LRRTM4: variants seen among roughly 807,000 people sequenced by gnomAD.
LRRTM4 encodes the protein leucine-rich repeat transmembrane neuronal protein 4.
In LRRTM4, 25 loss-of-function variants were observed where a neutral mutation model predicts 47.6. That is an observed-to-expected ratio of 0.53 (90% CI 0.38 to 0.73). The LOEUF is 0.73. Ranked by LOEUF, LRRTM4 falls within the 30% of genes least tolerant of loss-of-function variation. The probability of loss-of-function intolerance (pLI) is 0.00; values close to 1 mark genes in which losing one functional copy is unlikely to be tolerated. For missense variants in LRRTM4, 638 were observed against 713.4 expected (o/e 0.89, Z 1.20); for synonymous variants, 311 against 269.5 (o/e 1.15, Z -1.51).
At chr2:77,104,865 T>A (rs2103919422) in intron 3 of LRRTM4, among the ~76,000 whole-genome samples, 1 of 152,088 alleles carries the variant, frequency 6.6e-6, no homozygotes, top group South Asian at 2.1e-4. Flanking sequence ...GGATACAGAA[T>A]CCAGTCATGT....
intron 3 of LRRTM4, among the ~76,000 whole-genome samples, chr2:77,318,377 A>T (rs1383933577): frequency 6.6e-6 from 1 of 152,176 alleles, no homozygotes; most frequent in Admixed American, 6.5e-5. Flanking sequence ...TATTTTTTAA[A>T]TTGTTAGATC....
intron 3 of LRRTM4, among the ~76,000 whole-genome samples, chr2:77,047,614 A>C (rs1435576743): frequency 6.6e-6 from 1 of 151,878 alleles, no homozygotes; most frequent in Non-Finnish European, 1.5e-5. Context: ...TCTGCTCCTA[A>C]TCTTGCCATT....
intron 3 of LRRTM4, among the ~76,000 whole-genome samples, chr2:77,074,993 ACTC>A (rs915779593): frequency 6.6e-6 from 1 of 152,128 alleles, no homozygotes; most frequent in Middle Eastern, 3.2e-3. Flanking sequence ...CCATATCTAG[ACTC>A]CTAACTTGTT....
At chr2:77,429,277 C>A (rs746698580) in intron 3 of LRRTM4, among the ~76,000 whole-genome samples, 8 of 152,120 alleles carry the variant, frequency 5.3e-5, no homozygotes, top group Non-Finnish European at 1.2e-4. Flanking sequence ...AGAATAAGAT[C>A]TTTTATGACC....
intron 3 of LRRTM4, among the ~76,000 whole-genome samples, chr2:77,121,257 A>G (rs971420291): frequency 9.2e-5 from 14 of 151,806 alleles, no homozygotes; most frequent in Non-Finnish European, 1.0e-4. Flanking sequence ...AGACAAAACT[A>G]TATCTAATGA....
At chr2:77,398,120 G>C (rs1673774240) in intron 3 of LRRTM4, among the ~76,000 whole-genome samples, 1 of 151,862 alleles carries the variant, frequency 6.6e-6, no homozygotes, top group East Asian at 1.9e-4. Context: ...TTCTCTCTCT[G>C]TATAATTATT....
At position 77,522,101 on chromosome 2, in the gene LRRTM4, C is replaced by T. The variant is rs1444376866; in HGVS notation, c.-148+8G>A. The T allele has an allele frequency of 2.8e-6, 2 of 715,944 alleles. No individual in the cohort carries two copies. Among genetic ancestry groups the T allele is most frequent in the African/African-American group, 1.8e-5 (1 of 57,118 alleles). 44.3% of individuals were successfully genotyped at this position (715,944 alleles called of 1,614,324 possible). On this transcript the variant is annotated splice_region_variant and intron_variant, in intron 1 of 3. Coordinates refer to ENST00000409884, the MANE Select transcript of LRRTM4 (RefSeq NM_001134745.3). ...AAAGAGAGGAAAAAAAGAAAATCTT[C>T]AGAATACCTGGCATTCCTTATTGTG...
intron 3 of LRRTM4, among the ~76,000 whole-genome samples, chr2:77,184,318 A>G (rs919081197): frequency 6.6e-6 from 1 of 152,116 alleles, no homozygotes; most frequent in Non-Finnish European, 1.5e-5. Flanking sequence ...AAAGGTTTCA[A>G]TATTTTTCTT....
At chr2:76,815,117 TAAG>T (rs1421764839) in intron 3 of LRRTM4, among the ~76,000 whole-genome samples, 1 of 151,744 alleles carries the variant, frequency 6.6e-6, no homozygotes, top group African/African-American at 2.4e-5. Context: ...CTATTAAAAA[TAAG>T]AAAAGAAATA....
intron 3 of LRRTM4, among the ~76,000 whole-genome samples, chr2:77,091,406 CT>C (rs1358840865): frequency 6.8e-6 from 1 of 148,088 alleles, no homozygotes; most frequent in Non-Finnish European, 1.5e-5. Flanking sequence ...CCTGTTATCA[CT>C]CGCCTGCTAC....
intron 3 of LRRTM4, chr2:76,990,007 C>T (rs1422825802): frequency 6.6e-6 from 1 of 151,626 alleles, no homozygotes; most frequent in Non-Finnish European, 1.5e-5. Context: ...AATTATGCTT[C>T]ATTATTTAGT....
intron 3 of LRRTM4, among the ~76,000 whole-genome samples, chr2:76,939,631 C>T (rs1272494273): frequency 6.6e-6 from 1 of 151,854 alleles, no homozygotes; most frequent in African/African-American, 2.4e-5. Context: ...TAAAAAATAT[C>T]CATGCTTCTC....
At chr2:77,256,287 A>T (rs906178638) in intron 3 of LRRTM4, among the ~76,000 whole-genome samples, 3 of 152,182 alleles carry the variant, frequency 2.0e-5, no homozygotes, top group African/African-American at 7.2e-5. Context: ...AAAATACTAA[A>T]AAATAAATCT....
chr2:76,878,474 G>C (rs1672838467), intron 3 of LRRTM4, among the ~76,000 whole-genome samples: 1 of 151,860 alleles, frequency 6.6e-6, no homozygotes, highest in Non-Finnish European at 1.5e-5. Flanking sequence ...CCAAAAGGTA[G>C]GCCTTTTGTG....
At chr2:77,438,438 G>A (rs1259998066) in intron 3 of LRRTM4, among the ~76,000 whole-genome samples, 2 of 122,114 alleles carry the variant, frequency 1.6e-5, no homozygotes, top group Non-Finnish European at 3.1e-5. Flanking sequence ...ATGGAGTCTC[G>A]CTCTGTCGCC....
chr2:77,370,529 T>C (rs1672620718), intron 3 of LRRTM4, among the ~76,000 whole-genome samples: 1 of 151,682 alleles, frequency 6.6e-6, no homozygotes, highest in Non-Finnish European at 1.5e-5. Context: ...AGAATATTTA[T>C]ATGGCTGCTG....
intron 3 of LRRTM4, among the ~76,000 whole-genome samples, chr2:77,364,925 G>T (rs539972875): frequency 1.3e-5 from 2 of 151,808 alleles, no homozygotes; most frequent in African/African-American, 4.8e-5. Flanking sequence ...GATAAATAAC[G>T]TTTATTTAAA....
chr2:77,107,265 C>G (rs1186349737), intron 3 of LRRTM4, among the ~76,000 whole-genome samples: 1 of 151,316 alleles, frequency 6.6e-6, no homozygotes, highest in African/African-American at 2.4e-5. Context: ...TAACTCTTAT[C>G]TTTGGCACAA....
intron 3 of LRRTM4, among the ~76,000 whole-genome samples, chr2:77,031,750 T>TGA (rs1678664829): frequency 6.6e-6 from 1 of 152,106 alleles, no homozygotes; most frequent in Non-Finnish European, 1.5e-5. Context: ...TGCGTGTGTG[T>TGA]GACAGAGAGA....
Sources: allele counts gnomAD v4.1 joint callset (sites outside exome capture counted in the v4.1 genomes callset), GRCh38; gene constraint gnomAD v4.1.1; transcripts MANE v1.5; gene names NCBI Gene and HGNC (gene_info 2026-07-23, HGNC 2026-07-21).